Variants in CUX2 observed in about 807,000 individuals in gnomAD.
CUX2 encodes the protein cut like homeobox 2, also known as homeobox protein cut-like 2.
In CUX2, 40 loss-of-function variants were observed where a neutral mutation model predicts 144.8. The ratio of observed to expected loss-of-function variants is 0.28; its 90% CI spans 0.21 to 0.36. The LOEUF (loss-of-function observed/expected upper bound fraction) is 0.36. Among genes scored for constraint, CUX2 ranks in the 10% least tolerant of loss-of-function variants. The pLI is 1.00. For synonymous variants in CUX2, 827 were observed against 875.6 expected, an observed-to-expected ratio of 0.94 and a Z score of 0.98; for missense variants, 1,615 against 1,994.0, an observed-to-expected ratio of 0.81 and a Z score of 3.62.
chr12:111,088,432 CA>C (rs1382434637), intron 1 of CUX2, among the ~76,000 whole-genome samples: 1 of 151,900 alleles, frequency 6.6e-6, no homozygotes, highest in Non-Finnish European at 1.5e-5. Flanking sequence ...GCAATTATCT[CA>C]AAATAAAAAG....
At chr12:111,130,966 G>A (rs1875433979) in intron 1 of CUX2, among the ~76,000 whole-genome samples, 1 of 152,204 alleles carries the variant, frequency 6.6e-6, no homozygotes, top group African/African-American at 2.4e-5. Flanking sequence ...TGCCATGCAT[G>A]TTCCCCAGAT....
intron 1 of CUX2, among the ~76,000 whole-genome samples, chr12:111,134,649 T>TGTGTGTGTGTGTGTGTGTG (rs1566244481): frequency 1.3e-5 from 2 of 151,756 alleles, no homozygotes; most frequent in African/African-American, 4.9e-5. Context: ...TGTGTGTGTG[T>TGTGTGTGTGTGTGTGTGTG]TTCTGCTGCT....
rs1191021541 is a variant in CUX2, at chr12:111,134,616, C to CTGTGTGTGTGTG, written c.64-79583_64-79582insGTGTGTGTGTGT. Among the ~76,000 whole-genome samples the CTGTGTGTGTGTG allele has an allele frequency of 9.1e-3, 1,326 of 145,086 alleles. 16 individuals are homozygous for CTGTGTGTGTGTG. Among genetic ancestry groups the CTGTGTGTGTGTG allele is most frequent in the African/African-American group, 0.035 (1,263 of 35,724 alleles). On this transcript the variant is annotated intron_variant, in intron 1 of 21. Transcript: ENST00000261726. ...TCTTTCTCTCTCTCTCTCTCTCTCTCTCTCTGTGTGTGTGTGTGTGTGTGT... is the reference window on the plus strand; with the variant it reads ...TCTTTCTCTCTCTCTCTCTCTCTCTCTGTGTGTGTGTGTCTCTGTGTGTGTGTGTGTGTGTGT...
intron 1 of CUX2, among the ~76,000 whole-genome samples, chr12:111,137,581 C>T (rs1338232184): frequency 6.6e-6 from 1 of 152,112 alleles, no homozygotes; most frequent in Non-Finnish European, 1.5e-5. Flanking sequence ...GGCCCAATCA[C>T]AGTTCACTAC....
At chr12:111,225,804 T>C (rs973872737) in intron 3 of CUX2, among the ~76,000 whole-genome samples, 1 of 152,224 alleles carries the variant, frequency 6.6e-6, no homozygotes, top group Non-Finnish European at 1.5e-5. Flanking sequence ...GCCCGCCGCA[T>C]ACAAAGAGCT....
chr12:111,320,168 G>A lies in CUX2; in HGVS notation c.2159G>A (p.Gly720Asp). 2 of 1,536,876 alleles carry A rather than the reference G, an allele frequency of 1.3e-6. No individual in the cohort carries two copies. The highest frequency in any genetic ancestry group is 1.7e-6 in the Non-Finnish European group (2 of 1,145,972). The change falls in exon 17 of 22, where the codon GGC (glycine) becomes GAC (aspartate). Residue 720 changes from glycine to aspartate, a missense_variant. Physicochemically the swap from Gly to Asp is moderately conservative, Grantham distance 94 (BLOSUM62 -1). Transcript: ENST00000261726. The surrounding 1 kb of genome is among the most constrained non-coding windows in gnomAD (Gnocchi z 8.1). ...CTGGAGATGGAGGTGGCGCCCAGGG[G>A]CCGCTCGGTGCCCCCCTCGCCCCCG... ...ALLEMEVAPRGRSVPPSPPER... is the reference protein window; with the variant it reads ...ALLEMEVAPRDRSVPPSPPER...
chr12:111,214,173 C>CTTTTT lies in CUX2; in HGVS notation c.64-15_64-11dup, dbSNP rs373389929. ...AAATCTTTTTCTTTTCTCTCTCTCT[C>CTTTTT]TTTTTTTTTTTTTTTTATTGTTCCA... On this transcript the variant is annotated intron_variant, in intron 1 of 21. Coordinates refer to ENST00000261726, the MANE Select transcript of CUX2 (RefSeq NM_015267.4). The CTTTTT allele has an allele frequency of 7.5e-5, 75 of 1,003,526 alleles. 1 individual carries two copies. Among genetic ancestry groups the CTTTTT allele is most frequent in the South Asian group, 3.3e-4 (17 of 51,064 alleles). The allele number at this position is 1,003,526 out of a possible 1,614,324, so 62.2% of individuals were successfully genotyped here. A position where few individuals can be genotyped will look rare whatever the true frequency, so the allele number is the denominator to read the frequency against.
intron 16 of CUX2, among the ~76,000 whole-genome samples, chr12:111,314,293 G>C (rs919039189): frequency 6.6e-6 from 1 of 151,126 alleles, no homozygotes; most frequent in African/African-American, 2.5e-5. Flanking sequence ...GGGTGTGGCA[G>C]CTAACTCCTG....
In CUX2 at chr12:111,034,973, C is replaced by T. The variant is rs1274305936; in HGVS notation, c.63+733C>T. ...TCGTCTTGCTTCTTGCCTTTACCCC[C>T]CCGCCCCTTCCATCCCCTTCCCAAG... On this transcript the variant is annotated intron_variant, in intron 1 of 21. Coordinates refer to ENST00000261726, the MANE Select transcript of CUX2 (RefSeq NM_015267.4). This position sits in a 1 kb window ranked among gnomAD's most constrained non-coding sequence, Gnocchi z 4.2. Among the ~76,000 whole-genome samples the T allele has an allele frequency of 6.6e-6, 1 of 152,072 alleles. No individual in the cohort carries two copies. Among genetic ancestry groups the T allele is most frequent in the African/African-American group, 2.4e-5 (1 of 41,428 alleles).
intron 1 of CUX2, among the ~76,000 whole-genome samples, chr12:111,117,719 C>CG (rs1874390956): frequency 6.6e-6 from 1 of 152,198 alleles, no homozygotes; most frequent in Non-Finnish European, 1.5e-5. Context: ...AACCCCACAA[C>CG]AATCCTATCA....
chr12:111,052,462 TGTGA>T (rs1046550534), intron 1 of CUX2, among the ~76,000 whole-genome samples: 3 of 151,782 alleles, frequency 2.0e-5, no homozygotes, highest in Admixed American at 2.0e-4. Flanking sequence ...CAGGGATGGA[TGTGA>T]GTGTGATGTG....
In CUX2 at chr12:111,037,739, G is replaced by A. The variant is rs1869531820; in HGVS notation, c.63+3499G>A. On this transcript the variant is annotated intron_variant, in intron 1 of 21. Transcript: ENST00000261726. The surrounding 1 kb of genome is among the most constrained non-coding windows in gnomAD (Gnocchi z 5.4). ...TTTTCTGTGTATAATCGTCGTAACC[G>A]GATTCATACCTTTATGATTTTCTTT... Among the ~76,000 whole-genome samples, 1 of 151,958 alleles carries A rather than the reference G, an allele frequency of 6.6e-6. No individual in the cohort carries two copies. Among genetic ancestry groups the A allele is most frequent in the Non-Finnish European group, 1.5e-5 (1 of 68,016 alleles).
Position 111,307,359 on chromosome 12 carries a change from GTTC to G in CUX2, c.1109+107_1109+109del. On this transcript the variant is annotated intron_variant, in intron 12 of 21. Transcript: ENST00000261726. The surrounding 1 kb of genome is among the most constrained non-coding windows in gnomAD (Gnocchi z 4.1). ...TCCTCCCTCCTACTAAACCCCATTT[GTTC>G]TTCTCTCCACTAACACTGTGGATAT... The G allele has an allele frequency of 5.7e-6, 6 of 1,057,606 alleles. No individual in the cohort carries two copies. Among genetic ancestry groups the G allele is most frequent in the Non-Finnish European group, 8.4e-6 (6 of 715,306 alleles). The allele number at this position is 1,057,606 out of a possible 1,614,324, so 65.5% of individuals were successfully genotyped here. A position where few individuals can be genotyped will look rare whatever the true frequency, so the allele number is the denominator to read the frequency against.
chr12:111,088,085 A>C (rs1371933832), intron 1 of CUX2, among the ~76,000 whole-genome samples: 2 of 152,244 alleles, frequency 1.3e-5, no homozygotes, highest in Non-Finnish European at 2.9e-5. Context: ...CTTACTTAGC[A>C]TTCCCGAAAA....
intron 1 of CUX2, among the ~76,000 whole-genome samples, chr12:111,133,300 T>C (rs1320407554): frequency 1.3e-5 from 2 of 152,148 alleles, no homozygotes; most frequent in African/African-American, 2.4e-5. Context: ...CAATTTACTA[T>C]ATTAGTTCGT....
intron 1 of CUX2, among the ~76,000 whole-genome samples, chr12:111,097,819 C>T (rs1309872503): frequency 6.6e-6 from 1 of 152,154 alleles, no homozygotes; most frequent in Non-Finnish European, 1.5e-5. Flanking sequence ...CCAGGAATGG[C>T]GTGGGCATTG....
chr12:111,044,118 C>T (rs940930407), intron 1 of CUX2, among the ~76,000 whole-genome samples: 12 of 152,190 alleles, frequency 7.9e-5, no homozygotes, highest in African/African-American at 2.2e-4. Context: ...TGGCTCCCTC[C>T]GGCAGGTGCA....
intron 18 of CUX2, among the ~76,000 whole-genome samples, chr12:111,332,681 A>G (rs1565927662): frequency 6.6e-6 from 1 of 152,296 alleles, no homozygotes; most frequent in Non-Finnish European, 1.5e-5. Flanking sequence ...AACTCCCTGC[A>G]CTGTACCCAG....
At position 111,277,102 on chromosome 12, in the gene CUX2, G is replaced by C. The variant is rs1884915882; in HGVS notation, c.301+13263G>C. 1.3e-5 allele frequency among the ~76,000 whole-genome samples: 2 copies of C among 152,182 alleles called. No homozygotes were observed. The highest frequency in any genetic ancestry group is 1.3e-4 in the Admixed American group (2 of 15,280). ...CTGCCCTACCCAACCTTGTGGATGT[G>C]GGGGCCCCATCTGCCCCAGGATGAA... On this transcript the variant is annotated intron_variant, in intron 4 of 21. Coordinates refer to ENST00000261726, the MANE Select transcript of CUX2 (RefSeq NM_015267.4). The surrounding 1 kb of genome is among the most constrained non-coding windows in gnomAD (Gnocchi z 5.0).
Sources: gnomAD v4.1 joint callset for allele counts (sites outside exome capture counted in the v4.1 genomes callset) on GRCh38, gnomAD v4.1.1 for gene constraint, Gnocchi (gnomAD v3.1) non-coding constraint, MANE v1.5 for transcripts, NCBI Gene and HGNC (gene_info 2026-07-23, HGNC 2026-07-21) for gene names.